MRTFA: variants seen among roughly 807,000 people sequenced by gnomAD.
MRTFA encodes the protein myocardin-related transcription factor A.
A neutral mutation model predicts 83.5 loss-of-function variants in MRTFA; 20 were observed. That is an observed-to-expected ratio of 0.24 (90% CI 0.17 to 0.35). The LOEUF (loss-of-function observed/expected upper bound fraction) is 0.35, where lower values mean the gene tolerates loss of function less well. Ranked by LOEUF, MRTFA falls within the 10% of genes least tolerant of loss-of-function variation. The probability of loss-of-function intolerance (pLI) is 1.00; values close to 1 mark genes in which losing one functional copy is unlikely to be tolerated. For synonymous variants in MRTFA, 659 were observed against 541.2 expected (o/e 1.22, Z -3.02); for missense variants, 1,200 against 1,224.7 (o/e 0.98, Z 0.30).
chr22:40,455,891 T>C (rs1159451497), intron 4 of MRTFA, among the ~76,000 whole-genome samples: 3 of 151,974 alleles, frequency 2.0e-5, no homozygotes, highest in Admixed American at 2.0e-4. Flanking sequence ...TGGAGTGCAG[T>C]GGTGCAACCT....
At chr22:40,505,277 A>T (rs1053579107) in intron 3 of MRTFA, among the ~76,000 whole-genome samples, 2 of 152,248 alleles carry the variant, frequency 1.3e-5, no homozygotes, top group African/African-American at 4.8e-5. Context: ...AAATGAAGTT[A>T]AAAAATTATC....
intron 1 of MRTFA, among the ~76,000 whole-genome samples, chr22:40,635,917 G>A (rs2059409616): frequency 6.6e-6 from 1 of 152,186 alleles, no homozygotes; most frequent in Non-Finnish European, 1.5e-5. Flanking sequence ...ACCCGAAGCG[G>A]GGAGGGTGGA....
At chr22:40,481,847 T>C (rs2054097440) in intron 3 of MRTFA, among the ~76,000 whole-genome samples, 1 of 151,966 alleles carries the variant, frequency 6.6e-6, no homozygotes, top group Non-Finnish European at 1.5e-5. Context: ...GATCACAAGG[T>C]CAGGAGATCG....
In MRTFA at chr22:40,418,788, C is replaced by A; in HGVS notation, c.1950G>T (p.Arg650=). ...TCTCCTGCTCCAGCTGCAGCTTGAG[C>A]CGCTCCACCAGCTGCTGCTTCTGCC... is the stretch of plus-strand genomic sequence containing the variant. Residue 650 remains arginine, a synonymous_variant, in exon 12 of 15, where the codon CGG becomes CGT. Transcript: ENST00000355630. The A allele has an allele frequency of 6.3e-7, 1 of 1,585,818 alleles. No homozygotes were observed.
At chr22:40,569,858 G>A (rs1372907332) in intron 2 of MRTFA, 1 of 153,630 alleles carries the variant, frequency 6.5e-6, no homozygotes, top group African/African-American at 2.4e-5. Context: ...GCCTCAGCCT[G>A]GGATGACCAT....
intron 9 of MRTFA, among the ~76,000 whole-genome samples, chr22:40,423,297 G>C (rs915880383): frequency 6.6e-6 from 1 of 152,210 alleles, no homozygotes; most frequent in Non-Finnish European, 1.5e-5. Context: ...TCATGGATGA[G>C]AGCAGGAGTG....
chr22:40,471,683 G>A (rs961612228), intron 3 of MRTFA, among the ~76,000 whole-genome samples: 35 of 152,188 alleles, frequency 2.3e-4, no homozygotes, highest in African/African-American at 8.2e-4. Flanking sequence ...AGGAGTTCGA[G>A]ACCAGCCTGG....
intron 3 of MRTFA, among the ~76,000 whole-genome samples, chr22:40,502,002 C>G (rs1261530195): frequency 7.3e-6 from 1 of 137,918 alleles, no homozygotes; most frequent in Non-Finnish European, 1.6e-5. Flanking sequence ...CACCTCCCTC[C>G]CGGACGGGGC....
chr22:40,582,951 T>A (rs1473758252), intron 2 of MRTFA, among the ~76,000 whole-genome samples: 1 of 152,208 alleles, frequency 6.6e-6, no homozygotes, highest in East Asian at 1.9e-4. Flanking sequence ...CCTCAGGTAC[T>A]GCAATGCTAA....
chr22:40,450,154 C>T (rs2053459615), intron 4 of MRTFA, among the ~76,000 whole-genome samples: 1 of 152,182 alleles, frequency 6.6e-6, no homozygotes, highest in African/African-American at 2.4e-5. Flanking sequence ...ACACTGTACC[C>T]ACTTTAGAGC....
intron 1 of MRTFA, among the ~76,000 whole-genome samples, chr22:40,596,730 GAGAGGCAGAAGCTGCAGTGAGCCA>G (rs1223773760): frequency 2.0e-5 from 3 of 152,100 alleles, no homozygotes; most frequent in African/African-American, 7.2e-5. Context: ...CCTTGAACCC[GAGAGGCAGAAGCTGCAGTGAGCCA>G]AGATCACACT....
intron 3 of MRTFA, among the ~76,000 whole-genome samples, chr22:40,481,844 A>G (rs1012231691): frequency 6.6e-6 from 1 of 152,232 alleles, no homozygotes; most frequent in Middle Eastern, 3.4e-3. Context: ...GCAGATCACA[A>G]GGTCAGGAGA....
chr22:40,416,186 T>G lies in MRTFA; in HGVS notation c.2578+800A>C, dbSNP rs546636020. Among the ~76,000 whole-genome samples, 34 of 152,222 alleles carry G rather than the reference T, an allele frequency of 2.2e-4. No individual in the cohort carries two copies. Among genetic ancestry groups the G allele is most frequent in the African/African-American group, 7.5e-4 (31 of 41,528 alleles). ...ACCCTGGCCCTTTAGGCCACAGCCCTTGAAGTCATCCTTGGCTGTTCCTTC... is the reference window on the plus strand; with the variant it reads ...ACCCTGGCCCTTTAGGCCACAGCCCGTGAAGTCATCCTTGGCTGTTCCTTC... On this transcript the variant is annotated intron_variant, in intron 14 of 14. Transcript: ENST00000355630. The surrounding 1 kb of genome is among the most constrained non-coding windows in gnomAD (Gnocchi z 4.2).
intron 1 of MRTFA, among the ~76,000 whole-genome samples, chr22:40,603,994 A>G (rs1435154980): frequency 6.6e-6 from 1 of 152,054 alleles, no homozygotes; most frequent in Non-Finnish European, 1.5e-5. Flanking sequence ...TGTGTTTCAA[A>G]TGTTCCATAA....
chr22:40,512,848 C>T (rs1370791332), intron 3 of MRTFA, among the ~76,000 whole-genome samples: 2 of 152,200 alleles, frequency 1.3e-5, no homozygotes. Flanking sequence ...CATAACACCA[C>T]CACTTCGCAA....
intron 1 of MRTFA, among the ~76,000 whole-genome samples, chr22:40,636,192 C>G (rs1300404574): frequency 6.6e-6 from 1 of 152,212 alleles, no homozygotes; most frequent in African/African-American, 2.4e-5. Flanking sequence ...ACCTCCGTGC[C>G]TCCCCGCCCC....
At chr22:40,498,275 T>TATATATA in intron 3 of MRTFA, among the ~76,000 whole-genome samples, 1 of 45,630 alleles carries the variant, frequency 2.2e-5, no homozygotes, top group Middle Eastern at 9.6e-3. Context: ...ATATATATAT[T>TATATATA]TTTTTTTTTT....
At position 40,475,741 on chromosome 22, in the gene MRTFA, T is replaced by C. The variant is rs564107978; in HGVS notation, c.242-12455A>G. Among the ~76,000 whole-genome samples the C allele has an allele frequency of 4.6e-5, 7 of 152,340 alleles. No individual in the cohort carries two copies. The South Asian group carries it at 1.2e-3, about 27-fold the overall frequency. The stretch of plus-strand genomic sequence containing the variant: ...TTTAAAACAACAATTAAAATAGTTA[T>C]GTATTTTTCAGTTATCATAAGAGCA... On this transcript the variant is annotated intron_variant, in intron 3 of 14. Transcript: ENST00000355630.
chr22:40,414,827 G>GA (rs113547781), intron 14 of MRTFA, among the ~76,000 whole-genome samples: 14,741 of 152,116 alleles, frequency 0.097, 1,268 homozygotes, highest in African/African-American at 0.23. Flanking sequence ...TAATACCTCT[G>GA]ATTGTACATT....
Sources: gnomAD v4.1 joint callset for allele counts (sites outside exome capture counted in the v4.1 genomes callset) on GRCh38, gnomAD v4.1.1 for gene constraint, Gnocchi (gnomAD v3.1) non-coding constraint, MANE v1.5 for transcripts, NCBI Gene and HGNC (gene_info 2026-07-23, HGNC 2026-07-21) for gene names.